The following RPL4 variants were observed in gnomAD, a reference collection of about 807,000 sequenced individuals.
The protein encoded by RPL4 is large ribosomal subunit protein uL4.
RPL4 carries 3 observed loss-of-function variants against 47.7 expected under a neutral mutation model. The observed-to-expected ratio is 0.06, with a 90% CI of 0.03 to 0.16. The LOEUF (loss-of-function observed/expected upper bound fraction) is 0.16. RPL4 is among the 10% of genes least tolerant of loss of function. RPL4 has a pLI of 1.00. For synonymous variants in RPL4, 208 were observed against 182.1 expected (o/e 1.14, Z -1.15); for missense variants, 413 against 551.3 (o/e 0.75, Z 2.51).
intron 1 of RPL4, 65 bp from the exon 2 acceptor site, chr15:66,503,594 GCCAA>G (rs1397331442): frequency 2.0e-6 from 3 of 1,475,610 alleles, no homozygotes; most frequent in Middle Eastern, 1.8e-4. Context: ...CTTCTCATAC[GCCAA>G]CAATACCATT....
rs142907940 is a variant in RPL4 at position 66,500,460 on chromosome 15, C to T, written c.834-84G>A. 195 of 1,164,928 alleles carry T rather than the reference C, an allele frequency of 1.7e-4. No individual in the cohort carries two copies. The African/African-American group carries it at 2.4e-3, about 14-fold the overall frequency. 72.2% of individuals were successfully genotyped at this position (1,164,928 alleles called of 1,614,324 possible). A position where few individuals can be genotyped will look rare whatever the true frequency, so the allele number is the denominator to read the frequency against. ...TCAACTGAAGCTTTATTTTTAGCCA[C>T]TATGCTCTCCAAAATATCTACTACA... is the stretch of plus-strand genomic sequence containing the variant. On this transcript the variant is annotated intron_variant, in intron 7 of 9. Coordinates refer to ENST00000307961, the MANE Select transcript of RPL4 (RefSeq NM_000968.4).
rs537936389 is a variant in RPL4, at chr15:66,498,151, CAT to C, written c.*1254_*1255del. 1.8e-3 allele frequency: 352 copies of C among 200,382 alleles called. 4 individuals carry two copies. Among genetic ancestry groups the C allele is most frequent in the South Asian group, 2.5e-3 (28 of 11,146 alleles). 12.4% of individuals were successfully genotyped at this position (200,382 alleles called of 1,614,324 possible). On this transcript the variant is annotated 3_prime_UTR_variant, in exon 10 of 10. Coordinates refer to ENST00000307961, the MANE Select transcript of RPL4 (RefSeq NM_000968.4). ...TATCTTTAACCCCACAAAACTTGCA[CAT>C]GTGTTTGAAGGCAGGCACCAAATCA...
chr15:66,502,960 AAG>A (rs747335371), intron 3 of RPL4, 96 bp downstream of exon 3: 10 of 1,365,458 alleles, frequency 7.3e-6, no homozygotes, highest in Non-Finnish European at 1.0e-5. Context: ...AGACAAAAAA[AAG>A]TAATATTTTT....
chr15:66,504,845 A>G lies in RPL4; in HGVS notation c.-55T>C. The G allele has an allele frequency of 6.2e-7, 1 of 1,604,712 alleles. No homozygotes were observed. The highest frequency in any genetic ancestry group is 2.2e-5 in the East Asian group (1 of 44,768). ...TCAGCCCGGCTGCTGCCACAGGAAA[A>G]GGAAGTGCTTACCACTCCCGCTGTA... On this transcript the variant is annotated 5_prime_UTR_variant, in exon 1 of 10. Transcript: ENST00000307961.
At chr15:66,500,502 A>C in intron 7 of RPL4, 126 bp from the exon 8 acceptor site, 1 of 838,244 alleles carries the variant, frequency 1.2e-6, no homozygotes, top group Non-Finnish European at 1.9e-6. Flanking sequence ...CTTCTCATAA[A>C]CATGGACCAG....
Position 66,499,279 on chromosome 15 carries a change from A to C in RPL4, c.*128T>G, listed in dbSNP as rs1170052667. 7 of 1,242,970 alleles carry C rather than the reference A, an allele frequency of 5.6e-6. No individual in the cohort carries two copies. The highest frequency in any genetic ancestry group is 7.8e-6 in the Non-Finnish European group (7 of 898,846). The allele number at this position is 1,242,970 out of a possible 1,614,324, so 77.0% of individuals were successfully genotyped here. On this transcript the variant is annotated 3_prime_UTR_variant, in exon 10 of 10. Transcript: ENST00000307961. ...TTATGGCCAACAAAATGTCACTTTA[A>C]AAAAATTCTAACCAAGCTTTACAGA...
chr15:66,503,207 C>G, intron 2 of RPL4, 43 bp from the exon 3 acceptor site: 1 of 1,598,340 alleles, frequency 6.3e-7, no homozygotes. Context: ...CTTCATCATA[C>G]ATACCAACCC....
In RPL4 at chr15:66,501,875, T is replaced by C; in HGVS notation, c.459A>G (p.Val153=). 6.2e-7 allele frequency: 1 copy of C among 1,611,866 alleles called. No homozygotes were observed. Among genetic ancestry groups the C allele is most frequent in the Admixed American group, 1.7e-5 (1 of 59,936 alleles). ...RIEEVPELPL[V]VEDKVEGYKK... is the part of the protein sequence containing the mutation. Reference sequence around the variant, plus strand: ...TGTAGCCTTCAACTTTATCTTCAACTACCAAAGGAAGTTCAGGAACTTCCT... The same window carrying C: ...TGTAGCCTTCAACTTTATCTTCAACCACCAAAGGAAGTTCAGGAACTTCCT... The change falls in exon 5 of 10, where the codon GTA becomes GTG. Residue 153 remains valine, a synonymous_variant. Transcript: ENST00000307961.
In RPL4 at chr15:66,501,086, T is replaced by G; in HGVS notation, c.696A>C (p.Val232=). ...RNIPGITLLN[V]SKLNILKLAP... Reference sequence around the variant, plus strand: ...CAAGCTTCAAAATGTTCAGCTTGCTTACATTAAGCAGAGTAATTCCTTTTA... The same window carrying G: ...CAAGCTTCAAAATGTTCAGCTTGCTGACATTAAGCAGAGTAATTCCTTTTA... Residue 232 remains valine (V), a synonymous_variant, in exon 7 of 10, where the codon GTA becomes GTC. Coordinates refer to ENST00000307961, the MANE Select transcript of RPL4 (RefSeq NM_000968.4). 6.2e-7 allele frequency: 1 copy of G among 1,613,868 alleles called. No individual in the cohort carries two copies. Among genetic ancestry groups the G allele is most frequent in the Non-Finnish European group, 8.5e-7 (1 of 1,179,984 alleles).
chr15:66,498,337 T>C lies in RPL4; in HGVS notation c.*1070A>G, dbSNP rs1034151871. ...AAGAACTGAGATTTGGCCCTGGAAA[T>C]GGGGAGGGTTAACAGATCACCTTGG... is the stretch of plus-strand genomic sequence containing the variant. On this transcript the variant is annotated 3_prime_UTR_variant, in exon 10 of 10. Transcript: ENST00000307961. The C allele has an allele frequency of 6.6e-6, 1 of 152,444 alleles. No individual in the cohort carries two copies. Among genetic ancestry groups the C allele is most frequent in the Non-Finnish European group, 1.5e-5 (1 of 68,266 alleles). 9.4% of individuals were successfully genotyped at this position (152,444 alleles called of 1,614,324 possible).
rs1893539399 is a variant in RPL4 at position 66,499,080 on chromosome 15, A to C, written c.*327T>G. The C allele has an allele frequency of 4.3e-6, 1 of 233,038 alleles. No individual in the cohort carries two copies. The highest frequency in any genetic ancestry group is 5.2e-5 in the Admixed American group (1 of 19,396). The allele number at this position is 233,038 out of a possible 1,614,324, so 14.4% of individuals were successfully genotyped here. On this transcript the variant is annotated 3_prime_UTR_variant, in exon 10 of 10. Transcript: ENST00000307961. Reference sequence around the variant, plus strand: ...CTATTTTCCATCTGGTGGGGAGCTAAACTTGAACAGCCTCTGCGTTTCTGA... The same window carrying C: ...CTATTTTCCATCTGGTGGGGAGCTACACTTGAACAGCCTCTGCGTTTCTGA...
chr15:66,502,043 C>A (rs1163163828), intron 4 of RPL4, 131 bp from the exon 5 acceptor site: 2 of 1,209,114 alleles, frequency 1.7e-6, no homozygotes, highest in Non-Finnish European at 1.2e-6. Flanking sequence ...CCACAAATAT[C>A]ATGTGTTTCA....
intron 4 of RPL4, chr15:66,502,378 G>C: frequency 1.9e-6 from 1 of 513,748 alleles, no homozygotes; most frequent in Non-Finnish European, 3.4e-6. Context: ...TTTTTAAACC[G>C]GTATGTAACA....
chr15:66,502,521 A>G (rs1893641514), intron 4 of RPL4, 91 bp downstream of exon 4: 2 of 1,353,852 alleles, frequency 1.5e-6, no homozygotes, highest in African/African-American at 2.9e-5. Flanking sequence ...CCATCTTGAA[A>G]TGGGTTACTG....
At chr15:66,502,412 A>G (rs1893639013) in intron 4 of RPL4, 200 bp downstream of exon 4, 2 of 595,756 alleles carry the variant, frequency 3.4e-6, no homozygotes. Context: ...TACATTTGAT[A>G]ACTGAATGCA....
intron 3 of RPL4, 42 bp downstream of exon 3, chr15:66,503,016 C>A: frequency 6.4e-7 from 1 of 1,562,648 alleles, no homozygotes; most frequent in Non-Finnish European, 8.8e-7. Context: ...CCGCTAAATT[C>A]CATCAGAGAT....
intron 2 of RPL4, 23 bp downstream of exon 2, chr15:66,503,335 C>A: frequency 1.2e-6 from 2 of 1,611,856 alleles, no homozygotes; most frequent in Non-Finnish European, 1.7e-6. Context: ...CCTAAAATAT[C>A]TGCAGAAGAT....
intron 7 of RPL4, chr15:66,500,693 A>G: frequency 1.8e-6 from 1 of 551,240 alleles, no homozygotes; most frequent in Non-Finnish European, 3.2e-6. Flanking sequence ...GAGACAGGAG[A>G]ACTGCTTGAA....
rs752861528 is a variant in RPL4, at chr15:66,499,431, T to C, written c.1260A>G (p.Thr420=). 2 of 1,611,144 alleles carry C rather than the reference T, an allele frequency of 1.2e-6. No homozygotes were observed. The highest frequency in any genetic ancestry group is 2.7e-5 in the African/African-American group (2 of 74,786). The part of the protein sequence containing the change: ...EKKPAEKKPT[T]EEKKPAA ...TTTATGCAGCAGGCTTCTTCTCCTC[T>C]GTAGTAGGTTTCTTCTCTGCAGGCT... The change falls in exon 10 of 10, where the codon ACA becomes ACG. Residue 420 remains threonine (T), a synonymous_variant. Coordinates refer to ENST00000307961, the MANE Select transcript of RPL4 (RefSeq NM_000968.4).
Sources: gnomAD v4.1 joint callset for allele counts on GRCh38, gnomAD v4.1.1 for gene constraint, MANE v1.5 for transcripts, NCBI Gene and HGNC (gene_info 2026-07-23, HGNC 2026-07-21) for gene names.